Variants in MAGI2 observed in about 807,000 individuals in gnomAD.
MAGI2 encodes the protein membrane-associated guanylate kinase, WW and PDZ domain-containing protein 2.
In MAGI2, 35 loss-of-function variants were observed where a neutral mutation model predicts 133.3. The observed-to-expected ratio is 0.26, with a 90% CI of 0.20 to 0.35. The LOEUF (loss-of-function observed/expected upper bound fraction) is 0.35, where lower values mean the gene tolerates loss of function less well. Ranked by LOEUF, MAGI2 falls within the 10% of genes least tolerant of loss-of-function variation. The pLI is 1.00. For missense variants in MAGI2, 1,636 were observed against 1,863.4 expected, an observed-to-expected ratio of 0.88 and a Z score of 2.25; for synonymous variants, 729 against 710.6, an observed-to-expected ratio of 1.03 and a Z score of -0.41.
intron 1 of MAGI2, among the ~76,000 whole-genome samples, chr7:79,071,312 C>T (rs566917626): frequency 6.6e-6 from 1 of 152,322 alleles, no homozygotes; most frequent in South Asian, 2.1e-4. Flanking sequence ...ATGTTCCTTA[C>T]TCTGGAAGCT....
intron 2 of MAGI2, among the ~76,000 whole-genome samples, chr7:78,964,792 C>T (rs969413325): frequency 6.6e-6 from 1 of 151,966 alleles, no homozygotes; most frequent in African/African-American, 2.4e-5. Flanking sequence ...TTCCCTAGAA[C>T]TTATGATGAC....
At chr7:78,087,099 T>C (rs2151206184) in intron 20 of MAGI2, among the ~76,000 whole-genome samples, 1 of 152,306 alleles carries the variant, frequency 6.6e-6, no homozygotes, top group East Asian at 1.9e-4. Flanking sequence ...CAGACAGCCT[T>C]TTATGATCCC....
chr7:78,592,601 A>G (rs1021416886), intron 3 of MAGI2, among the ~76,000 whole-genome samples: 4 of 152,214 alleles, frequency 2.6e-5, no homozygotes, highest in African/African-American at 9.6e-5. Flanking sequence ...GAAAAAATCA[A>G]TTAGAAAGAA....
At chr7:78,251,770 C>T (rs1003233956) in intron 10 of MAGI2, 1 of 152,144 alleles carries the variant, frequency 6.6e-6, no homozygotes, top group African/African-American at 2.4e-5. Context: ...TCAATGTTGG[C>T]AATTTTCCAC....
At chr7:78,405,869 C>T (rs1250665466) in intron 6 of MAGI2, among the ~76,000 whole-genome samples, 1 of 151,752 alleles carries the variant, frequency 6.6e-6, no homozygotes, top group Non-Finnish European at 1.5e-5. Context: ...AACAATAAGC[C>T]TTTTAAGTTA....
intron 10 of MAGI2, among the ~76,000 whole-genome samples, chr7:78,213,881 C>A (rs547024247): frequency 1.3e-5 from 2 of 152,190 alleles, no homozygotes; most frequent in African/African-American, 4.8e-5. Flanking sequence ...ACTTCTTTCC[C>A]TTCCTCTGGT....
At chr7:78,052,109 G>A (rs777773446) in intron 21 of MAGI2, among the ~76,000 whole-genome samples, 1 of 152,010 alleles carries the variant, frequency 6.6e-6, no homozygotes, top group African/African-American at 2.4e-5. Flanking sequence ...GAGCTTCAGC[G>A]ATCCACTCAC....
At chr7:78,416,322 T>C (rs1337836501) in intron 6 of MAGI2, among the ~76,000 whole-genome samples, 1 of 151,974 alleles carries the variant, frequency 6.6e-6, no homozygotes, top group Admixed American at 6.6e-5. Context: ...ATGCAGAAGG[T>C]ATTTATGATG....
chr7:78,130,883 C>A (rs753042882), intron 18 of MAGI2, among the ~76,000 whole-genome samples: 3 of 152,202 alleles, frequency 2.0e-5, no homozygotes, highest in Non-Finnish European at 4.4e-5. Context: ...TGATAGGGAA[C>A]AAGGTATCCC....
intron 2 of MAGI2, among the ~76,000 whole-genome samples, chr7:78,836,686 T>C (rs773170089): frequency 1.3e-5 from 2 of 152,222 alleles, no homozygotes; most frequent in African/African-American, 2.4e-5. Flanking sequence ...TTTCTACTAA[T>C]AAATGTATCA....
chr7:78,367,546 A>T lies in MAGI2; in HGVS notation c.1103+1610T>A, dbSNP rs73367629. ...GCTACAACAGCAGAGCTAAGCAGTTATAACAGAGGCCGTATTGTCCTCCAC... is the reference window on the plus strand; with the variant it reads ...GCTACAACAGCAGAGCTAAGCAGTTTTAACAGAGGCCGTATTGTCCTCCAC... On this transcript the variant is annotated intron_variant, in intron 7 of 21. Coordinates refer to ENST00000354212, the MANE Select transcript of MAGI2 (RefSeq NM_012301.4). 1.6e-3 allele frequency among the ~76,000 whole-genome samples: 241 copies of T among 152,330 alleles called. 1 individual carries two copies. Among genetic ancestry groups the T allele is most frequent in the South Asian group, 4.3e-3 (21 of 4,830 alleles).
At chr7:79,451,089 C>T (rs529193720) in intron 1 of MAGI2, among the ~76,000 whole-genome samples, 17 of 152,310 alleles carry the variant, frequency 1.1e-4, no homozygotes, top group Non-Finnish European at 2.1e-4. Context: ...CAATAATCTT[C>T]CTTTATTTCT....
intron 1 of MAGI2, among the ~76,000 whole-genome samples, chr7:79,145,274 A>G (rs538408103): frequency 8.5e-5 from 13 of 152,242 alleles, no homozygotes; most frequent in South Asian, 4.1e-4. Context: ...CTTTCTTCCA[A>G]AGAGACTTTA....
intron 3 of MAGI2, among the ~76,000 whole-genome samples, chr7:78,561,429 G>C (rs377082483): frequency 6.6e-6 from 1 of 152,324 alleles, no homozygotes; most frequent in African/African-American, 2.4e-5. Flanking sequence ...AGCCTCCAAA[G>C]TTTTCAGTCA....
chr7:79,440,460 T>G (rs1385856740), intron 1 of MAGI2, among the ~76,000 whole-genome samples: 2 of 152,068 alleles, frequency 1.3e-5, no homozygotes, highest in Non-Finnish European at 2.9e-5. Context: ...GGTAAAAAAT[T>G]TCTTGAGCCC....
chr7:78,384,079 TC>T (rs63142362), intron 6 of MAGI2, among the ~76,000 whole-genome samples: 70,213 of 150,656 alleles, frequency 0.47, 17,193 homozygotes, highest in Middle Eastern at 0.59. Context: ...CTATTTGTGC[TC>T]TTTTTTTTTG....
At chr7:78,746,769 A>G (rs1434684322) in intron 2 of MAGI2, among the ~76,000 whole-genome samples, 1 of 152,070 alleles carries the variant, frequency 6.6e-6, no homozygotes, top group African/African-American at 2.4e-5. Context: ...ATTTAGTCTG[A>G]GAGTTTTCTA....
chr7:78,748,205 G>A (rs1054565361), intron 2 of MAGI2, among the ~76,000 whole-genome samples: 19 of 151,496 alleles, frequency 1.3e-4, no homozygotes, highest in African/African-American at 7.3e-5. Context: ...ATCTTCCCTC[G>A]TTGAGGACTT....
intron 10 of MAGI2, among the ~76,000 whole-genome samples, chr7:78,208,989 G>A (rs534167906): frequency 7.7e-4 from 116 of 151,378 alleles, no homozygotes; most frequent in Admixed American, 2.1e-3. Context: ...TTGGGAGGCC[G>A]AGGCAGGTGG....
Sources: allele counts gnomAD v4.1 joint callset (sites outside exome capture counted in the v4.1 genomes callset), GRCh38; gene constraint gnomAD v4.1.1; transcripts MANE v1.5; gene names NCBI Gene and HGNC (gene_info 2026-07-23, HGNC 2026-07-21).